Variants in NHS observed in about 807,000 individuals in gnomAD.
NHS encodes the protein NHS actin remodeling regulator.
A neutral mutation model predicts 72.5 loss-of-function variants in NHS; 5 were observed. The observed-to-expected ratio is 0.07, with a 90% CI of 0.04 to 0.14. NHS has a LOEUF of 0.14. NHS is among the 10% of genes least tolerant of loss of function. NHS has a pLI of 1.00. For synonymous variants in NHS, 464 were observed against 547.7 expected, an observed-to-expected ratio of 0.85 and a Z score of 2.13; for missense variants, 1,072 against 1,355.7, an observed-to-expected ratio of 0.79 and a Z score of 3.29.
chrX:17,448,990 G>A (rs183848894), intron 1 of NHS, among the ~76,000 whole-genome samples: 1 of 112,694 alleles, frequency 8.9e-6, no homozygotes, highest in Non-Finnish European at 1.9e-5. Flanking sequence ...TATGGCAGCA[G>A]GTACTGTCGT....
intron 3 of NHS, among the ~76,000 whole-genome samples, chrX:17,695,576 A>G (rs2066223785): frequency 9.0e-6 from 1 of 111,453 alleles, no homozygotes; most frequent in Non-Finnish European, 1.9e-5. Flanking sequence ...GTGATTCCCA[A>G]ACTGTGTGCT....
chrX:17,460,523 G>A (rs1446159610), intron 1 of NHS, among the ~76,000 whole-genome samples: 1 of 109,037 alleles, frequency 9.2e-6, no homozygotes, highest in Non-Finnish European at 1.9e-5. Flanking sequence ...TTTTTTTTTA[G>A]TGAATTTACA....
intron 1 of NHS, among the ~76,000 whole-genome samples, chrX:17,650,684 C>T (rs192315625): frequency 3.5e-4 from 39 of 112,090 alleles, no homozygotes; most frequent in Non-Finnish European, 6.9e-4. Context: ...GTTAATATAC[C>T]ACCTCTTGAA....
chrX:17,680,322 C>T (rs1250529625), intron 1 of NHS, among the ~76,000 whole-genome samples: 4 of 112,450 alleles, frequency 3.6e-5, no homozygotes, highest in Non-Finnish European at 7.5e-5. Context: ...AAGACATTGG[C>T]TTTGGTTTTT....
chrX:17,646,514 C>T (rs963303962), intron 1 of NHS, among the ~76,000 whole-genome samples: 1 of 111,624 alleles, frequency 9.0e-6, no homozygotes, highest in African/African-American at 3.3e-5. Flanking sequence ...ACAAGGAAAC[C>T]TTCCCTCCCA....
chrX:17,392,705 C>A (rs373744995), intron 1 of NHS, among the ~76,000 whole-genome samples: 3 of 112,198 alleles, frequency 2.7e-5, no homozygotes, highest in South Asian at 7.4e-4. Context: ...TGATTTGTGA[C>A]ATGCTTAAAA....
At position 17,733,978 on chromosome X, in the gene NHS, T is replaced by C. The variant is rs2066505191; in HGVS notation, c.*1514T>C. On this transcript the variant is annotated 3_prime_UTR_variant, in exon 9 of 9. Transcript: ENST00000676302. ...GTTACACGTTAAAATCTGCAAATGG[T>C]TTTTACACCTCTGATTTTAACATGA... 1 of 112,445 alleles carries C rather than the reference T, an allele frequency of 8.9e-6. No homozygotes were observed. 9.3% of individuals were successfully genotyped at this position (112,445 alleles called of 1,213,427 possible).
intron 1 of NHS, among the ~76,000 whole-genome samples, chrX:17,443,607 C>T (rs1179828076): frequency 9.0e-6 from 1 of 111,713 alleles, no homozygotes; most frequent in Non-Finnish European, 1.9e-5. Context: ...ATGGCAGTAG[C>T]AATACCGCTA....
At position 17,555,296 on chromosome X, in the gene NHS, CT is replaced by C. The variant is rs765587973; in HGVS notation, c.566-132445del. On this transcript the variant is annotated intron_variant, in intron 1 of 8. Transcript: ENST00000676302. Reference sequence around the variant, plus strand: ...ATTCAGTAGTTTATCTGTCCCCTCACTAGACTGCAGTGATGATTTGAGCTCC... The same window carrying C: ...ATTCAGTAGTTTATCTGTCCCCTCACAGACTGCAGTGATGATTTGAGCTCC... Among the ~76,000 whole-genome samples, 721 of 107,091 alleles carry C rather than the reference CT, an allele frequency of 6.7e-3. 7 individuals carry two copies. Among genetic ancestry groups the C allele is most frequent in the African/African-American group, 0.023 (676 of 29,089 alleles). The allele number at this position is 107,091 out of a possible 115,157, so 93.0% of individuals were successfully genotyped here.
chrX:17,715,364 G>A (rs761598636), intron 3 of NHS, among the ~76,000 whole-genome samples: 8 of 112,303 alleles, frequency 7.1e-5, no homozygotes, highest in East Asian at 2.8e-4. Flanking sequence ...ATTTCATTCC[G>A]TTTAATGGCT....
At chrX:17,625,294 G>A (rs746632252) in intron 1 of NHS, among the ~76,000 whole-genome samples, 44 of 111,266 alleles carry the variant, frequency 4.0e-4, no homozygotes, top group African/African-American at 1.4e-3. Flanking sequence ...ATGAAAGAAT[G>A]AGTGAAAATG....
intron 5 of NHS, 89 bp downstream of exon 5, chrX:17,721,722 T>C (rs774137369): frequency 2.4e-6 from 2 of 822,684 alleles, no homozygotes; most frequent in East Asian, 3.3e-5. Context: ...AAGAATACCA[T>C]TTTGTAAACA....
chrX:17,689,727 T>C (rs188129182), intron 2 of NHS, among the ~76,000 whole-genome samples: 20 of 112,423 alleles, frequency 1.8e-4, no homozygotes, highest in African/African-American at 4.5e-4. Flanking sequence ...TGGTTGAACA[T>C]TGAGGGCACA....
At chrX:17,667,939 A>ATT in intron 1 of NHS, among the ~76,000 whole-genome samples, 1 of 106,205 alleles carries the variant, frequency 9.4e-6, no homozygotes, top group African/African-American at 3.5e-5. Flanking sequence ...TCTGCCTCAC[A>ATT]TTTTTTTTTC....
rs372564700 is a variant in NHS, at chrX:17,407,965, C to T, written c.565+31643C>T. Reference sequence around the variant, plus strand: ...TGTTTCCCCATGCCCCTACCCACCCCGTTATTTATTGATTCTGCTCATAAC... The same window carrying T: ...TGTTTCCCCATGCCCCTACCCACCCTGTTATTTATTGATTCTGCTCATAAC... On this transcript the variant is annotated intron_variant, in intron 1 of 8. Transcript: ENST00000676302. 2.0e-4 allele frequency among the ~76,000 whole-genome samples: 22 copies of T among 111,197 alleles called. No homozygotes were observed. In the East Asian group the frequency reaches 6.0e-3, roughly 30 times the overall value.
intron 1 of NHS, among the ~76,000 whole-genome samples, chrX:17,414,511 C>T (rs912785376): frequency 8.9e-6 from 1 of 112,094 alleles, no homozygotes; most frequent in Non-Finnish European, 1.9e-5. Flanking sequence ...CTCCCTCCCC[C>T]GTCTCCGCGC....
intron 1 of NHS, among the ~76,000 whole-genome samples, chrX:17,389,270 G>A (rs774145315): frequency 1.8e-5 from 2 of 111,923 alleles, no homozygotes; most frequent in Admixed American, 9.5e-5. Flanking sequence ...ACTACTTTCA[G>A]GTAGGAAAGC....
At position 17,625,157 on chromosome X, in the gene NHS, A is replaced by G. The variant is rs185373443; in HGVS notation, c.566-62585A>G. Reference sequence around the variant, plus strand: ...TTTTTCAAAACAAAAAATGTCAATGAGAAGAATGGCTTTCTTGTACTTTTT... The same window carrying G: ...TTTTTCAAAACAAAAAATGTCAATGGGAAGAATGGCTTTCTTGTACTTTTT... On this transcript the variant is annotated intron_variant, in intron 1 of 8. Coordinates refer to ENST00000676302, the MANE Select transcript of NHS (RefSeq NM_001291867.2). Among the ~76,000 whole-genome samples the G allele has an allele frequency of 3.6e-5, 4 of 111,803 alleles. No individual in the cohort carries two copies. In the East Asian group the frequency reaches 1.1e-3, roughly 31 times the overall value.
intron 1 of NHS, among the ~76,000 whole-genome samples, chrX:17,437,425 C>T (rs928471507): frequency 1.8e-5 from 2 of 111,822 alleles, no homozygotes; most frequent in Non-Finnish European, 3.8e-5. Flanking sequence ...TCTCTCTCTT[C>T]TTACCATTTG....
Sources: allele counts gnomAD v4.1 joint callset (sites outside exome capture counted in the v4.1 genomes callset), GRCh38; gene constraint gnomAD v4.1.1; transcripts MANE v1.5; gene names NCBI Gene and HGNC (gene_info 2026-07-23, HGNC 2026-07-21).